Variants in SLITRK2 observed in about 807,000 individuals in gnomAD.
The protein encoded by SLITRK2 is SLIT and NTRK like family member 2.
Under a neutral mutation model 35.4 loss-of-function variants are expected in SLITRK2, and 13 were observed. The observed-to-expected ratio is 0.37, with a 90% CI of 0.24 to 0.58. SLITRK2 has a LOEUF of 0.58. SLITRK2 is among the 20% of genes least tolerant of loss of function. The pLI is 0.75. For missense variants in SLITRK2, 471 were observed against 634.3 expected (o/e 0.74, Z 2.76); for synonymous variants, 294 against 264.7 (o/e 1.11, Z -1.07).
intron 1 of SLITRK2, chrX:145,818,852 A>G (rs1176462153): frequency 3.6e-5 from 4 of 112,239 alleles, no homozygotes; most frequent in Non-Finnish European, 7.5e-5. Flanking sequence ...ACCTTTCCAC[A>G]GCCTTAAAAG....
chrX:145,819,823 C>T (rs1391023376), intron 1 of SLITRK2: 2 of 111,488 alleles, frequency 1.8e-5, no homozygotes, highest in Non-Finnish European at 3.8e-5. Context: ...TTTTGCTAAA[C>T]GCCAAGCAAG....
Position 145,823,875 on chromosome X carries a change from C to T in SLITRK2, c.1450C>T (p.Arg484Trp), listed in dbSNP as rs782220174. 1.7e-6 allele frequency: 2 copies of T among 1,209,806 alleles called. No homozygotes were observed. The highest frequency in any genetic ancestry group is 2.2e-5 in the Admixed American group (1 of 45,736). ...ACTGTTTCTGAACAACAACCTTCTT[C>T]GGTCCTTACCTGATAATATATTTGG... is the stretch of plus-strand genomic sequence containing the variant. Reference protein sequence around the residue: ...QLLFLNNNLLRSLPDNIFGGT... With the variant: ...QLLFLNNNLLWSLPDNIFGGT... Residue 484 changes from arginine (R) to tryptophan (W), a missense_variant, in exon 5 of 5, where the codon CGG becomes TGG. Arg to Trp is a moderately radical substitution (Grantham distance 101). Transcript: ENST00000335565.
At chrX:145,820,206 C>G (rs2495265) in intron 1 of SLITRK2, 1 of 112,023 alleles carries the variant, frequency 8.9e-6, no homozygotes, top group Non-Finnish European at 1.9e-5. Context: ...GGTTGATTCC[C>G]TCCTTTTCCT....
chrX:145,819,666 C>T (rs782074049), intron 1 of SLITRK2: 1 of 111,954 alleles, frequency 8.9e-6, no homozygotes, highest in Non-Finnish European at 1.9e-5. Context: ...AATTGTGCTC[C>T]CACTGCATCA....
rs1556945092 is a variant in SLITRK2 at position 145,824,652 on chromosome X, C to T, written c.2227C>T (p.Leu743=). Reference sequence around the variant, plus strand: ...TTACACAATAAGTGCCACTGAGCTGCTAGAAAAGCAGGCCACACCAAGAGA... The same window carrying T: ...TTACACAATAAGTGCCACTGAGCTGTTAGAAAAGCAGGCCACACCAAGAGA... ...PAYTISATEL[L]EKQATPREPE... The change falls in exon 5 of 5, where the codon CTA becomes TTA. Residue 743 remains leucine, a synonymous_variant. Transcript: ENST00000335565. The T allele has an allele frequency of 8.3e-7, 1 of 1,211,471 alleles. No homozygotes were observed. Among genetic ancestry groups the T allele is most frequent in the Non-Finnish European group, 1.1e-6 (1 of 895,469 alleles).
rs1195364324 is a variant in SLITRK2, at chrX:145,828,513, G to C, written c.*3550G>C. On this transcript the variant is annotated 3_prime_UTR_variant, in exon 5 of 5. Coordinates refer to ENST00000335565, the MANE Select transcript of SLITRK2 (RefSeq NM_032539.5). ...TTGAGTGCTTATTTCCTGGGTGCCT[G>C]GCTCTAGGCTATGTCCTGAGACATA... 3.2e-5 allele frequency: 4 copies of C among 123,740 alleles called. No individual in the cohort carries two copies. The highest frequency in any genetic ancestry group is 1.3e-4 in the African/African-American group (4 of 30,530). The allele number at this position is 123,740 out of a possible 1,213,427, so 10.2% of individuals were successfully genotyped here.
chrX:145,823,362 C>G lies in SLITRK2; in HGVS notation c.937C>G (p.Pro313Ala). The G allele has an allele frequency of 2.5e-6, 3 of 1,211,455 alleles. No homozygotes were observed. Among genetic ancestry groups the G allele is most frequent in the Non-Finnish European group, 3.4e-6 (3 of 895,358 alleles). Residue 313 changes from proline to alanine, a missense_variant, in exon 5 of 5, where the codon CCT becomes GCT. Physicochemically the swap from Pro to Ala is conservative, Grantham distance 27. Coordinates refer to ENST00000335565, the MANE Select transcript of SLITRK2 (RefSeq NM_032539.5). ...GCCCAAAATGAGAAATCGTCCAACT[C>G]CTCGAGTGACTGTGTCAAAGGACAG... ...RPPKMRNRPTPRVTVSKDRQS... is the reference protein window; with the variant it reads ...RPPKMRNRPTARVTVSKDRQS...
chrX:145,827,657 T>A lies in SLITRK2; in HGVS notation c.*2694T>A. On this transcript the variant is annotated 3_prime_UTR_variant, in exon 5 of 5. Transcript: ENST00000335565. ...ACAGTTATACTTAATTTGCAGTAGA[T>A]TTTTAAATGAAATTATTTGAATGTA... 1 of 1,055,025 alleles carries A rather than the reference T, an allele frequency of 9.5e-7. No homozygotes were observed. The highest frequency in any genetic ancestry group is 1.3e-6 in the Non-Finnish European group (1 of 792,804). The allele number at this position is 1,055,025 out of a possible 1,213,427, so 86.9% of individuals were successfully genotyped here. A position where few individuals can be genotyped will look rare whatever the true frequency, so the allele number is the denominator to read the frequency against.
In SLITRK2 at chrX:145,829,583, C is replaced by T. The variant is rs2073155989; in HGVS notation, c.*4620C>T. The T allele has an allele frequency of 8.1e-6, 1 of 123,523 alleles. No individual in the cohort carries two copies. Among genetic ancestry groups the T allele is most frequent in the Non-Finnish European group, 1.9e-5 (1 of 53,382 alleles). The allele number at this position is 123,523 out of a possible 1,213,427, so 10.2% of individuals were successfully genotyped here. A position where few individuals can be genotyped will look rare whatever the true frequency, so the allele number is the denominator to read the frequency against. ...TTCTGCTCAGCAGCATCTCTTTTCT[C>T]AGATGTGGCCATGTTACAGTAGAGG... On this transcript the variant is annotated 3_prime_UTR_variant, in exon 5 of 5. Transcript: ENST00000335565.
Position 145,827,544 on chromosome X carries a change from G to A in SLITRK2, c.*2581G>A, listed in dbSNP as rs189895218. ...TACCTTAATATTAACTTACTTACAC[G>A]ATTTTAAAGACGCCTACTGAGAGAA... On this transcript the variant is annotated 3_prime_UTR_variant, in exon 5 of 5. Transcript: ENST00000335565. 3.3e-5 allele frequency: 18 copies of A among 544,795 alleles called. No individual in the cohort carries two copies. The highest frequency in any genetic ancestry group is 6.1e-4 in the Middle Eastern group (1 of 1,637). The allele number at this position is 544,795 out of a possible 1,213,427, so 44.9% of individuals were successfully genotyped here.
In SLITRK2 at chrX:145,829,707, T is replaced by C. The variant is rs2073156840; in HGVS notation, c.*4744T>C. ...CGAATTGCATGCATGTTGAAATTTTTTAGCAGTACTTTAGCTTGAAAGTAC... is the reference window on the plus strand; with the variant it reads ...CGAATTGCATGCATGTTGAAATTTTCTAGCAGTACTTTAGCTTGAAAGTAC... On this transcript the variant is annotated 3_prime_UTR_variant, in exon 5 of 5. Transcript: ENST00000335565. 8.1e-6 allele frequency: 1 copy of C among 123,918 alleles called. No homozygotes were observed. The highest frequency in any genetic ancestry group is 3.7e-4 in the South Asian group (1 of 2,729). The allele number at this position is 123,918 out of a possible 1,213,427, so 10.2% of individuals were successfully genotyped here. A position where few individuals can be genotyped will look rare whatever the true frequency, so the allele number is the denominator to read the frequency against.
chrX:145,823,853 G>C lies in SLITRK2; in HGVS notation c.1428G>C (p.Leu476=). 7 of 1,210,531 alleles carry C rather than the reference G, an allele frequency of 5.8e-6. No individual in the cohort carries two copies. Among genetic ancestry groups the C allele is most frequent in the Non-Finnish European group, 7.8e-6 (7 of 895,037 alleles). Reference sequence around the variant, plus strand: ...ATGCTTTGATTAACCTACAGCTACTGTTTCTGAACAACAACCTTCTTCGGT... The same window carrying C: ...ATGCTTTGATTAACCTACAGCTACTCTTTCTGAACAACAACCTTCTTCGGT... ...TFDALINLQL[L]FLNNNLLRSL... The change falls in exon 5 of 5, where the codon CTG becomes CTC. Residue 476 remains leucine (L), a synonymous_variant. Transcript: ENST00000335565.
In SLITRK2 at chrX:145,825,173, T is replaced by C. The variant is rs1556945538; in HGVS notation, c.*210T>C. ...CTCTCTCGCTCTCCTCCCCTCCTTT[T>C]TTTTTTTTTTTTTTTTTTCTTTTTC... is the stretch of plus-strand genomic sequence containing the variant. On this transcript the variant is annotated 3_prime_UTR_variant, in exon 5 of 5. Transcript: ENST00000335565. 2.0e-5 allele frequency: 1 copy of C among 48,803 alleles called. No homozygotes were observed. The highest frequency in any genetic ancestry group is 5.0e-5 in the Non-Finnish European group (1 of 19,888). 4.0% of individuals were successfully genotyped at this position (48,803 alleles called of 1,213,427 possible).
rs2073071828 is a variant in SLITRK2, at chrX:145,823,972, A to C, written c.1547A>C (p.Asp516Ala). Reference protein sequence around the residue: ...FSHLPVKGVLDQLPAFIQIDL... With the variant: ...FSHLPVKGVLAQLPAFIQIDL... ...CACCTGCCCGTGAAAGGGGTTCTGG[A>C]TCAGCTCCCGGCTTTCATCCAGATA... The change falls in exon 5 of 5, where the codon GAT (aspartate) becomes GCT (alanine). Residue 516 changes from aspartate (D) to alanine (A), a missense_variant. By Grantham distance (126) the Asp-to-Ala change is moderately radical (BLOSUM62 -2). Around this residue, in one of 7 missense-constraint regions of SLITRK2, gnomAD observed 92 missense variants for 184.2 expected, o/e 0.50. Transcript: ENST00000335565. 1 of 1,209,328 alleles carries C rather than the reference A, an allele frequency of 8.3e-7. No individual in the cohort carries two copies. Among genetic ancestry groups the C allele is most frequent in the Admixed American group, 2.2e-5 (1 of 45,648 alleles).
At position 145,825,810 on chromosome X, in the gene SLITRK2, T is replaced by G. The variant is rs2073118390; in HGVS notation, c.*847T>G. Reference sequence around the variant, plus strand: ...GGTAATAAGCCACCTCAGTCAGGATTAATAATTCATTAATAAAATATATTT... The same window carrying G: ...GGTAATAAGCCACCTCAGTCAGGATGAATAATTCATTAATAAAATATATTT... On this transcript the variant is annotated 3_prime_UTR_variant, in exon 5 of 5. Coordinates refer to ENST00000335565, the MANE Select transcript of SLITRK2 (RefSeq NM_032539.5). The G allele has an allele frequency of 8.1e-6, 1 of 122,950 alleles. No individual in the cohort carries two copies. Among genetic ancestry groups the G allele is most frequent in the African/African-American group, 3.2e-5 (1 of 30,793 alleles). The allele number at this position is 122,950 out of a possible 1,213,427, so 10.1% of individuals were successfully genotyped here. A position where few individuals can be genotyped will look rare whatever the true frequency, so the allele number is the denominator to read the frequency against.
In SLITRK2 at chrX:145,824,457, G is replaced by A. The variant is rs2124202490; in HGVS notation, c.2032G>A (p.Asp678Asn). ...TGGGTCTTACAACACTGAGACTCAC[G>A]ATAAAACAGACGGCCATGTCTACAA... ...QYGSYNTETH[D>N]KTDGHVYNYI... is the part of the protein sequence containing the mutation. The change falls in exon 5 of 5, where the codon GAT (aspartate) becomes AAT (asparagine). Residue 678 changes from aspartate to asparagine, a missense_variant. Around this residue, in one of 7 missense-constraint regions of SLITRK2, gnomAD observed 190 missense variants for 199.3 expected, o/e 0.95. Transcript: ENST00000335565. 8.3e-7 allele frequency: 1 copy of A among 1,211,297 alleles called. No individual in the cohort carries two copies. The highest frequency in any genetic ancestry group is 1.1e-6 in the Non-Finnish European group (1 of 895,413).
Position 145,822,728 on chromosome X carries a change from C to A in SLITRK2, c.303C>A (p.Ile101=), listed in dbSNP as rs2124154586. The change falls in exon 5 of 5, where the codon ATC becomes ATA. Residue 101 remains isoleucine (I), a synonymous_variant. Coordinates refer to ENST00000335565, the MANE Select transcript of SLITRK2 (RefSeq NM_032539.5). ...LHLGNNGLQE[I]RTGAFSGLKT... ...TAGGTAACAACGGGTTACAGGAGAT[C>A]CGAACGGGGGCATTCAGTGGCCTGA... 2 of 1,211,078 alleles carry A rather than the reference C, an allele frequency of 1.7e-6. No homozygotes were observed. The highest frequency in any genetic ancestry group is 2.2e-5 in the Admixed American group (1 of 45,996).
At position 145,823,354 on chromosome X, in the gene SLITRK2, G is replaced by A. The variant is rs2124172275; in HGVS notation, c.929G>A (p.Arg310His). Residue 310 changes from arginine (R) to histidine (H), a missense_variant, in exon 5 of 5, where the codon CGT (arginine) becomes CAT (histidine). Transcript: ENST00000335565. ...KASRPPKMRN[R>H]PTPRVTVSKD... Reference sequence around the variant, plus strand: ...AGCCGGCCGCCCAAAATGAGAAATCGTCCAACTCCTCGAGTGACTGTGTCA... The same window carrying A: ...AGCCGGCCGCCCAAAATGAGAAATCATCCAACTCCTCGAGTGACTGTGTCA... 8.3e-7 allele frequency: 1 copy of A among 1,209,038 alleles called. No homozygotes were observed.
intron 1 of SLITRK2, chrX:145,819,545 T>C (rs1259845040): frequency 1.8e-5 from 2 of 112,490 alleles, no homozygotes; most frequent in Admixed American, 9.4e-5. Context: ...ATAATACATG[T>C]TTGTTGAATG....
Sources: gnomAD v4.1 joint callset for allele counts on GRCh38, gnomAD v4.1.1 for gene constraint, gnomAD v4.1.1 regional missense constraint, MANE v1.5 for transcripts, NCBI Gene and HGNC (gene_info 2026-07-23, HGNC 2026-07-21) for gene names.